PCDH7: variants seen among roughly 807,000 people sequenced by gnomAD.
The protein encoded by PCDH7 is protocadherin 7, also known as protocadherin-7.
In PCDH7, 17 loss-of-function variants were observed where a neutral mutation model predicts 58.9. The ratio of observed to expected loss-of-function variants is 0.29; its 90% CI spans 0.20 to 0.43. The LOEUF (loss-of-function observed/expected upper bound fraction) is 0.43. Ranked by LOEUF, PCDH7 falls within the 20% of genes least tolerant of loss-of-function variation. The pLI is 1.00. For missense variants in PCDH7, 1,274 were observed against 1,441.0 expected, an observed-to-expected ratio of 0.88 and a Z score of 1.88; for synonymous variants, 664 against 616.4, an observed-to-expected ratio of 1.08 and a Z score of -1.14.
intron 1 of PCDH7, among the ~76,000 whole-genome samples, chr4:30,846,144 C>A (rs1731914790): frequency 6.6e-6 from 1 of 152,024 alleles, no homozygotes; most frequent in Non-Finnish European, 1.5e-5. Context: ...CCAGGGTTTC[C>A]CAATGTTGGC....
intron 3 of PCDH7, among the ~76,000 whole-genome samples, chr4:31,084,523 G>A (rs1712064100): frequency 6.6e-6 from 1 of 151,242 alleles, no homozygotes; most frequent in Admixed American, 6.6e-5. Flanking sequence ...TTGGCTCATG[G>A]TTCTGCAGGC....
chr4:31,133,026 A>T (rs1719179773), intron 3 of PCDH7, among the ~76,000 whole-genome samples: 1 of 152,222 alleles, frequency 6.6e-6, no homozygotes. Flanking sequence ...CTTTTCTTCT[A>T]AATATGAGTT....
chr4:30,854,782 T>G (rs1733242561), intron 1 of PCDH7, among the ~76,000 whole-genome samples: 1 of 152,064 alleles, frequency 6.6e-6, no homozygotes, highest in African/African-American at 2.4e-5. Flanking sequence ...TTTGAAGGAC[T>G]TGGAAAAGTG....
intron 3 of PCDH7, among the ~76,000 whole-genome samples, chr4:31,020,532 G>T (rs937869637): frequency 2.6e-5 from 4 of 152,148 alleles, no homozygotes; most frequent in Non-Finnish European, 5.9e-5. Flanking sequence ...GAGTCACTGC[G>T]GTTGTTAAGC....
At chr4:30,990,218 C>T (rs1023119973) in intron 3 of PCDH7, among the ~76,000 whole-genome samples, 3 of 151,520 alleles carry the variant, frequency 2.0e-5, no homozygotes, top group African/African-American at 4.8e-5. Context: ...GAAAAAAAAA[C>T]ATGCAATGAT....
chr4:30,752,909 C>G (rs143440015), intron 1 of PCDH7, among the ~76,000 whole-genome samples: 2 of 151,890 alleles, frequency 1.3e-5, no homozygotes, highest in African/African-American at 4.8e-5. Flanking sequence ...AGTGGTAATT[C>G]ATTCTGCAAG....
chr4:31,004,449 C>T (rs1019833260), intron 3 of PCDH7, among the ~76,000 whole-genome samples: 4 of 152,096 alleles, frequency 2.6e-5, no homozygotes, highest in Non-Finnish European at 4.4e-5. Flanking sequence ...GTGGCTTACA[C>T]CTGTAATCCC....
chr4:30,743,998 T>C (rs1341184259), intron 1 of PCDH7, among the ~76,000 whole-genome samples: 1 of 152,182 alleles, frequency 6.6e-6, no homozygotes, highest in East Asian at 1.9e-4. Flanking sequence ...CATGGGATTG[T>C]AGGCAATCTA....
chr4:31,127,344 T>G (rs1718429993), intron 3 of PCDH7, among the ~76,000 whole-genome samples: 1 of 152,180 alleles, frequency 6.6e-6, no homozygotes, highest in Non-Finnish European at 1.5e-5. Flanking sequence ...CGCAGACACG[T>G]TTAACTAAAG....
intron 3 of PCDH7, among the ~76,000 whole-genome samples, chr4:31,123,503 C>A (rs1260448410): frequency 6.6e-6 from 1 of 152,132 alleles, no homozygotes; most frequent in Non-Finnish European, 1.5e-5. Flanking sequence ...AGAGCCAGGG[C>A]AAGTGCCTTT....
intron 3 of PCDH7, among the ~76,000 whole-genome samples, chr4:31,085,342 C>A (rs1241884181): frequency 6.6e-6 from 1 of 152,068 alleles, no homozygotes; most frequent in African/African-American, 2.4e-5. Context: ...TAGGGAGAGT[C>A]GGAATCTTGT....
intron 3 of PCDH7, among the ~76,000 whole-genome samples, chr4:30,973,809 G>A (rs944539004): frequency 6.6e-6 from 1 of 150,980 alleles, no homozygotes; most frequent in Non-Finnish European, 1.5e-5. Context: ...ATTTCGCCTC[G>A]AGAAAAATTA....
intron 1 of PCDH7, among the ~76,000 whole-genome samples, chr4:30,812,616 C>G (rs1727171364): frequency 1.3e-5 from 2 of 151,954 alleles, no homozygotes; most frequent in Non-Finnish European, 2.9e-5. Flanking sequence ...AAACTTTAAT[C>G]TAGTATATGC....
chr4:31,111,941 A>G (rs1473719373), intron 3 of PCDH7, among the ~76,000 whole-genome samples: 4 of 152,194 alleles, frequency 2.6e-5, no homozygotes, highest in Admixed American at 2.6e-4. Flanking sequence ...CTACTTAATG[A>G]TTTTGTGATC....
At chr4:30,815,410 G>C (rs1727547058) in intron 1 of PCDH7, among the ~76,000 whole-genome samples, 1 of 152,168 alleles carries the variant, frequency 6.6e-6, no homozygotes, top group East Asian at 1.9e-4. Context: ...ACACTTGGAA[G>C]AGGACCAAGC....
At chr4:30,790,067 T>C (rs1184340621) in intron 1 of PCDH7, among the ~76,000 whole-genome samples, 1 of 152,170 alleles carries the variant, frequency 6.6e-6, no homozygotes, top group African/African-American at 2.4e-5. Context: ...TAAAACAAAA[T>C]CCAAAATGTG....
chr4:30,780,331 C>A (rs1722614414), intron 1 of PCDH7, among the ~76,000 whole-genome samples: 1 of 151,556 alleles, frequency 6.6e-6, no homozygotes, highest in Admixed American at 6.6e-5. Context: ...CATGGAGAAA[C>A]CCCCATCTCT....
chr4:31,127,698 A>T (rs970428189), intron 3 of PCDH7, among the ~76,000 whole-genome samples: 8 of 152,148 alleles, frequency 5.3e-5, no homozygotes, highest in Non-Finnish European at 1.2e-4. Context: ...GGATGTAACT[A>T]ACTCTTATTC....
intron 3 of PCDH7, among the ~76,000 whole-genome samples, chr4:31,111,454 G>T (rs143289275): frequency 4.0e-5 from 6 of 151,862 alleles, no homozygotes; most frequent in Non-Finnish European, 7.4e-5. Flanking sequence ...GATTACAAGC[G>T]CCCGCAACCA....
Sources: gnomAD v4.1 joint callset for allele counts (sites outside exome capture counted in the v4.1 genomes callset) on GRCh38, gnomAD v4.1.1 for gene constraint, MANE v1.5 for transcripts, NCBI Gene and HGNC (gene_info 2026-07-23, HGNC 2026-07-21) for gene names.